Variants in DEAF1 observed in about 807,000 individuals in gnomAD.
DEAF1 encodes deformed epidermal autoregulatory factor 1 homolog.
DEAF1 carries 53 observed loss-of-function variants against 58.9 expected under a neutral mutation model. That is an observed-to-expected ratio of 0.90 (90% CI 0.72 to 1.13). DEAF1 has a LOEUF of 1.13. DEAF1 is among the 50% of genes most tolerant of loss of function. DEAF1 has a pLI of 0.00. For missense variants in DEAF1, 685 were observed against 791.4 expected (o/e 0.87, Z 1.61); for synonymous variants, 385 against 340.4 (o/e 1.13, Z -1.44).
At position 702,030 on chromosome 11, in the gene DEAF1, C is replaced by T. The variant is rs868168095; in HGVS notation, c.-438+4542G>A. ...GGGAACGCAATGGGCACTTCCAGGG[C>T]GCTGTGCCCCTGCCAGGCTGGAATC... On this transcript the variant is annotated intron_variant, in intron 1 of 11. Coordinates refer to the DEAF1 transcript ENST00000683307. Among the ~76,000 whole-genome samples the T allele has an allele frequency of 5.3e-5, 8 of 152,320 alleles. No homozygotes were observed. The South Asian group carries it at 6.2e-4, about 12-fold the overall frequency.
At position 688,945 on chromosome 11, in the gene DEAF1, C is replaced by A. The variant is rs1860709534; in HGVS notation, c.388-485G>T. On this transcript the variant is annotated intron_variant, in intron 2 of 11. Coordinates refer to ENST00000382409, the MANE Select transcript of DEAF1 (RefSeq NM_021008.4). This position sits in a 1 kb window ranked among gnomAD's most constrained non-coding sequence, Gnocchi z 4.3. ...AACTGCTGCCTGCTTCCAAAATCAG[C>A]CTTCAGGCGGCACAGACCCCGCCAC... Among the ~76,000 whole-genome samples, 1 of 152,182 alleles carries A rather than the reference C, an allele frequency of 6.6e-6. No homozygotes were observed. The highest frequency in any genetic ancestry group is 1.5e-5 in the Non-Finnish European group (1 of 68,038).
intron 10 of DEAF1, chr11:654,731 T>C: frequency 2.4e-6 from 1 of 423,632 alleles, no homozygotes; most frequent in Non-Finnish European, 4.8e-6. Flanking sequence ...TAGCTGGGTG[T>C]GGTGGTGGCC....
intron 7 of DEAF1, 74 bp downstream of exon 7, chr11:680,889 T>C: frequency 6.3e-7 from 1 of 1,596,002 alleles, no homozygotes; most frequent in South Asian, 1.1e-5. Flanking sequence ...GCAGTGGCCG[T>C]GGGAGTGGTG....
chr11:677,962 C>CAAAA (rs34157642), intron 9 of DEAF1, among the ~76,000 whole-genome samples: 6 of 140,248 alleles, frequency 4.3e-5, no homozygotes, highest in Admixed American at 2.1e-4. Context: ...CACTCTGTCT[C>CAAAA]AAAAAAAAAA....
intron 11 of DEAF1, among the ~76,000 whole-genome samples, chr11:648,845 C>G (rs771580496): frequency 9.2e-5 from 14 of 152,150 alleles, no homozygotes; most frequent in Non-Finnish European, 1.8e-4. Context: ...GAAAACACAA[C>G]TAGAAAATAC....
At chr11:695,492 C>A (rs1227248209), upstream of DEAF1, 3 of 823,162 alleles carry the variant, frequency 3.6e-6, no homozygotes, top group Admixed American at 8.6e-5. Flanking sequence ...CGGCGGCCGG[C>A]GCAATTCTGC....
chr11:702,628 G>A (rs566086416), intron 1 of DEAF1, among the ~76,000 whole-genome samples: 1 of 152,376 alleles, frequency 6.6e-6, no homozygotes, highest in East Asian at 1.9e-4. Context: ...GGAAAACGTG[G>A]CAGATGCACT....
chr11:653,164 C>T (rs1243998939), intron 11 of DEAF1, among the ~76,000 whole-genome samples: 1 of 151,410 alleles, frequency 6.6e-6, no homozygotes. Context: ...GTTATACAAT[C>T]CTGAACTACC....
intron 11 of DEAF1, among the ~76,000 whole-genome samples, chr11:645,482 A>G (rs1858445351): frequency 6.6e-6 from 1 of 151,928 alleles, no homozygotes; most frequent in Non-Finnish European, 1.5e-5. Context: ...ACACCTGGCT[A>G]ATGTTTTGCA....
chr11:653,851 G>A, intron 11 of DEAF1, 111 bp downstream of exon 11: 2 of 931,458 alleles, frequency 2.1e-6, no homozygotes, highest in African/African-American at 1.6e-5. Flanking sequence ...GGAGGGACAG[G>A]GAGGGGAGTC....
intron 2 of DEAF1, 126 bp downstream of exon 2, chr11:691,375 C>T (rs914358532): frequency 1.6e-5 from 14 of 854,588 alleles, no homozygotes; most frequent in Non-Finnish European, 2.5e-5. Flanking sequence ...CGAGCCAGTG[C>T]GTCCCTCCCC....
chr11:648,104 T>C (rs551979398), intron 11 of DEAF1, among the ~76,000 whole-genome samples: 1 of 152,054 alleles, frequency 6.6e-6, no homozygotes, highest in South Asian at 2.1e-4. Context: ...GAGCAGGGGA[T>C]TCCTGTTGGG....
chr11:653,569 A>C (rs1303906053), intron 11 of DEAF1, among the ~76,000 whole-genome samples: 1 of 139,320 alleles, frequency 7.2e-6, no homozygotes. Flanking sequence ...GTGGCTCTGC[A>C]GGGGTGTGGA....
intron 10 of DEAF1, among the ~76,000 whole-genome samples, chr11:654,324 G>A (rs538423029): frequency 1.5e-4 from 23 of 151,054 alleles, no homozygotes; most frequent in African/African-American, 2.7e-4. Flanking sequence ...CTGACACCAC[G>A]CCCAGCTAAT....
chr11:681,759 A>G (rs1480313964), intron 6 of DEAF1, among the ~76,000 whole-genome samples: 1 of 152,012 alleles, frequency 6.6e-6, no homozygotes, highest in Admixed American at 6.6e-5. Context: ...TTCTCCAGTG[A>G]GGAGACAGTG....
chr11:699,910 ATTG>A, upstream of DEAF1: 1 of 543,246 alleles, frequency 1.8e-6, no homozygotes, highest in South Asian at 2.1e-5. Flanking sequence ...CACAGACCGC[ATTG>A]TTGTGGCATG....
chr11:693,503 C>A (rs1023299299), intron 1 of DEAF1: 1 of 152,414 alleles, frequency 6.6e-6, no homozygotes, highest in African/African-American at 2.4e-5. Flanking sequence ...CACACCAGGA[C>A]TGGGATCCAG....
At chr11:680,145 G>GA (rs1302721212) in intron 7 of DEAF1, 1 of 368,224 alleles carries the variant, frequency 2.7e-6, no homozygotes, top group Non-Finnish European at 5.1e-6. Context: ...TTCGAATTAA[G>GA]AAAAAATCTT....
At chr11:701,511 C>G (rs11246272) in intron 1 of DEAF1, among the ~76,000 whole-genome samples, 15 of 149,574 alleles carry the variant, frequency 1.0e-4, no homozygotes, top group Admixed American at 1.0e-3. Context: ...CCCGGGTTCA[C>G]GCCAGTCTCC....
Sources: allele counts gnomAD v4.1 joint callset (sites outside exome capture counted in the v4.1 genomes callset), GRCh38; gene constraint gnomAD v4.1.1; non-coding constraint Gnocchi (gnomAD v3.1); transcripts MANE v1.5; gene names NCBI Gene and HGNC (gene_info 2026-07-23, HGNC 2026-07-21).